The following KALRN variants were observed in gnomAD, a reference collection of about 807,000 sequenced individuals.
KALRN encodes the protein kalirin RhoGEF kinase.
In KALRN, 70 loss-of-function variants were observed where a neutral mutation model predicts 353.7. That is an observed-to-expected ratio of 0.20 (90% CI 0.16 to 0.24). KALRN has a LOEUF of 0.24. Among genes scored for constraint, KALRN ranks in the 10% least tolerant of loss-of-function variants. KALRN has a pLI of 1.00. For synonymous variants in KALRN, 1,391 were observed against 1,434.8 expected, an observed-to-expected ratio of 0.97 and a Z score of 0.69; for missense variants, 2,791 against 3,756.7, an observed-to-expected ratio of 0.74 and a Z score of 6.72.
intron 14 of KALRN, among the ~76,000 whole-genome samples, chr3:124,421,605 G>A (rs482022): frequency 0.98 from 149,197 of 152,278 alleles, 73,168 homozygotes; most frequent in East Asian, 1. Flanking sequence ...CAGGATTCCA[G>A]CTCAGGACTG....
At chr3:124,637,123 G>C in intron 36 of KALRN, 85 bp from the exon 37 acceptor site, 1 of 1,143,064 alleles carries the variant, frequency 8.7e-7, no homozygotes, top group Non-Finnish European at 1.3e-6. Context: ...CCTGGCTTGA[G>C]CTTTGGACTT....
intron 47 of KALRN, among the ~76,000 whole-genome samples, chr3:124,670,533 C>A (rs2086280577): frequency 6.6e-6 from 1 of 152,222 alleles, no homozygotes. Context: ...ATCTCAGAGC[C>A]AATCTTTCCT....
chr3:124,231,153 G>C (rs1349514294), intron 2 of KALRN, among the ~76,000 whole-genome samples: 1 of 152,218 alleles, frequency 6.6e-6, no homozygotes, highest in African/African-American at 2.4e-5. Flanking sequence ...GGGCAGCCCA[G>C]AAGCTTCTGC....
intron 56 of KALRN, among the ~76,000 whole-genome samples, chr3:124,700,687 T>C (rs1281847252): frequency 6.6e-6 from 1 of 152,092 alleles, no homozygotes; most frequent in Non-Finnish European, 1.5e-5. Context: ...TGGTGAGATT[T>C]TGGGCAGTGC....
chr3:124,061,210 G>A (rs2041969166), intron 1 of KALRN, among the ~76,000 whole-genome samples: 1 of 152,136 alleles, frequency 6.6e-6, no homozygotes. Flanking sequence ...TAACTAAACT[G>A]TGGTTCATTG....
chr3:124,519,133 T>A (rs1162340529), intron 33 of KALRN: 2 of 985,348 alleles, frequency 2.0e-6, no homozygotes, highest in East Asian at 2.3e-4. Context: ...CCTCCCGAGG[T>A]CTCTGGTTCA....
chr3:124,474,598 A>G (rs2061267677), intron 25 of KALRN, 65 bp from the exon 26 acceptor site: 2 of 1,249,144 alleles, frequency 1.6e-6, no homozygotes, highest in African/African-American at 1.5e-5. Flanking sequence ...TGCTGGCCTC[A>G]GTGCAATCCT....
rs117414232 is a variant in KALRN at position 124,340,724 on chromosome 3, G to C, written c.1647+6229G>C. On this transcript the variant is annotated intron_variant, in intron 9 of 59. Transcript: ENST00000682506. ...AATCCCAGCACTTTGGGAGGCAAAG[G>C]CAGGTAGATTAGCTGAGGTCAGGAG... Among the ~76,000 whole-genome samples the C allele has an allele frequency of 2.5e-3, 378 of 152,256 alleles. 10 individuals are homozygous for C. In the East Asian group the frequency reaches 0.062, roughly 25 times the overall value.
rs2083316558 is a variant in KALRN at position 124,650,734 on chromosome 3, G to C, written c.5665-74G>C. 3 of 1,453,224 alleles carry C rather than the reference G, an allele frequency of 2.1e-6. No homozygotes were observed. In the South Asian group the frequency reaches 3.6e-5, roughly 17 times the overall value. 90.0% of individuals were successfully genotyped at this position (1,453,224 alleles called of 1,614,324 possible). On this transcript the variant is annotated intron_variant, in intron 37 of 59. Coordinates refer to ENST00000682506, the MANE Select transcript of KALRN (RefSeq NM_001388419.1). ...TGATTTTCCATGTTGTCTGTGGCTA[G>C]GCTGGGAGGACACAGGGATTCCAAA...
chr3:124,579,322 G>A (rs1005225467), intron 34 of KALRN, among the ~76,000 whole-genome samples: 1 of 152,188 alleles, frequency 6.6e-6, no homozygotes, highest in African/African-American at 2.4e-5. Flanking sequence ...GACATAAAGT[G>A]GTCACGTAGG....
chr3:124,270,551 T>C (rs2074024522), intron 5 of KALRN, among the ~76,000 whole-genome samples: 1 of 152,238 alleles, frequency 6.6e-6, no homozygotes, highest in East Asian at 1.9e-4. Flanking sequence ...TATCACTTTT[T>C]ATAGCATATC....
chr3:124,308,179 C>G (rs1390031671), intron 6 of KALRN, among the ~76,000 whole-genome samples: 1 of 151,992 alleles, frequency 6.6e-6, no homozygotes, highest in Non-Finnish European at 1.5e-5. Context: ...AAAGCAAAAA[C>G]TGACAGAAAT....
intron 9 of KALRN, among the ~76,000 whole-genome samples, chr3:124,345,271 A>C (rs543757586): frequency 1.3e-5 from 2 of 152,330 alleles, no homozygotes; most frequent in Non-Finnish European, 2.9e-5. Context: ...AAACTTTACT[A>C]TACTTCGCAC....
At chr3:124,152,558 TTTTC>T (rs2068276617) in intron 1 of KALRN, 6 of 544,434 alleles carry the variant, frequency 1.1e-5, no homozygotes, top group African/African-American at 4.2e-5. Flanking sequence ...TTTTCTTTTC[TTTTC>T]TTTTCTTTTC....
intron 1 of KALRN, among the ~76,000 whole-genome samples, chr3:124,058,245 A>G (rs1012361431): frequency 2.0e-5 from 3 of 152,192 alleles, no homozygotes; most frequent in Non-Finnish European, 4.4e-5. Flanking sequence ...TCAGCATCCA[A>G]ATTCCCCATA....
chr3:124,117,764 G>A (rs908264062), intron 1 of KALRN, among the ~76,000 whole-genome samples: 4 of 152,142 alleles, frequency 2.6e-5, no homozygotes, highest in East Asian at 1.9e-4. Context: ...TGTTGGCACC[G>A]TTCTTTCAGA....
chr3:124,674,872 C>A, intron 49 of KALRN: 1 of 378,450 alleles, frequency 2.6e-6, no homozygotes, highest in Non-Finnish European at 4.7e-6. Flanking sequence ...CATTTTTCCC[C>A]CTTTCTCCCC....
chr3:124,466,399 G>C (rs2060351693), intron 25 of KALRN, among the ~76,000 whole-genome samples: 1 of 152,190 alleles, frequency 6.6e-6, no homozygotes, highest in African/African-American at 2.4e-5. Flanking sequence ...TCCATTAGTA[G>C]ATCCCTAGAC....
chr3:124,496,174 A>T, intron 32 of KALRN, 137 bp from the exon 33 acceptor site: 2 of 644,846 alleles, frequency 3.1e-6, no homozygotes, highest in Non-Finnish European at 5.6e-6. Context: ...TCTCTTTAGC[A>T]GGATAATTTT....
Sources: gnomAD v4.1 joint callset for allele counts (sites outside exome capture counted in the v4.1 genomes callset) on GRCh38, gnomAD v4.1.1 for gene constraint, MANE v1.5 for transcripts, NCBI Gene and HGNC (gene_info 2026-07-23, HGNC 2026-07-21) for gene names.